SLC9A3: variants seen among roughly 807,000 people sequenced by gnomAD.
SLC9A3 encodes sodium/hydrogen exchanger 3.
SLC9A3 carries 37 observed loss-of-function variants against 86.8 expected under a neutral mutation model. The observed-to-expected ratio is 0.43, with a 90% CI of 0.33 to 0.56. SLC9A3 has a LOEUF of 0.56. Ranked by LOEUF, SLC9A3 falls within the 20% of genes least tolerant of loss-of-function variation. The pLI is 0.06. For synonymous variants in SLC9A3, 581 were observed against 528.3 expected (o/e 1.10, Z -1.37); for missense variants, 1,011 against 1,171.9 (o/e 0.86, Z 2.00).
intron 1 of SLC9A3, among the ~76,000 whole-genome samples, chr5:498,653 C>T (rs1011921960): frequency 2.6e-5 from 4 of 152,158 alleles, no homozygotes; most frequent in Admixed American, 6.5e-5. Context: ...ACGCCCACCT[C>T]GGTCGTCCAC....
intron 1 of SLC9A3, among the ~76,000 whole-genome samples, chr5:503,504 G>A (rs889403590): frequency 4.6e-5 from 7 of 152,218 alleles, no homozygotes; most frequent in African/African-American, 2.4e-5. Context: ...GACAGTGAGC[G>A]AGGCCCCCAT....
intron 1 of SLC9A3, among the ~76,000 whole-genome samples, chr5:514,713 C>G (rs1031972523): frequency 1.3e-5 from 2 of 152,266 alleles, no homozygotes; most frequent in African/African-American, 2.4e-5. Context: ...TGTGTCACCC[C>G]CAAAGCTCTT....
At chr5:501,699 C>G (rs912349462) in intron 1 of SLC9A3, among the ~76,000 whole-genome samples, 18 of 152,256 alleles carry the variant, frequency 1.2e-4, no homozygotes, top group African/African-American at 4.3e-4. Context: ...CCAGCACACT[C>G]TGACCTCAGT....
Position 473,274 on chromosome 5 carries a change from T to C in SLC9A3, c.*105A>G. ...GGCGGGGCTCGGGGCTCGCGGTCGC[T>C]GTAGCCGCGCGGGGATCTGGGGTTT... is the stretch of plus-strand genomic sequence containing the variant. On this transcript the variant is annotated 3_prime_UTR_variant, in exon 17 of 17. Coordinates refer to ENST00000264938, the MANE Select transcript of SLC9A3 (RefSeq NM_004174.4). 3 of 1,210,510 alleles carry C rather than the reference T, an allele frequency of 2.5e-6. No individual in the cohort carries two copies. The highest frequency in any genetic ancestry group is 3.1e-6 in the Non-Finnish European group (3 of 952,470). The allele number at this position is 1,210,510 out of a possible 1,614,324, so 75.0% of individuals were successfully genotyped here.
chr5:504,499 C>T (rs1405601968), intron 1 of SLC9A3, among the ~76,000 whole-genome samples: 2 of 152,164 alleles, frequency 1.3e-5, no homozygotes, highest in Non-Finnish European at 2.9e-5. Flanking sequence ...GTGTGTCCGG[C>T]GGCGGCAGCC....
At chr5:478,343 T>C (rs3734138) in intron 10 of SLC9A3, 94,065 of 151,964 alleles carry the variant, frequency 0.62, 30,048 homozygotes, top group African/African-American at 0.77. Context: ...CGGTGCTAAC[T>C]GCCACTCTGG....
At chr5:487,891 C>A (rs553532900) in intron 3 of SLC9A3, among the ~76,000 whole-genome samples, 129 of 152,316 alleles carry the variant, frequency 8.5e-4, no homozygotes, top group African/African-American at 2.8e-3. Context: ...TGGTCTCGAA[C>A]TGCTGACCTC....
chr5:476,359 C>T lies in SLC9A3; in HGVS notation c.1910G>A (p.Arg637Gln), dbSNP rs577147781. 4 of 1,613,800 alleles carry T rather than the reference C, an allele frequency of 2.5e-6. No individual in the cohort carries two copies. Among genetic ancestry groups the T allele is most frequent in the East Asian group, 2.2e-5 (1 of 44,884 alleles). ...GTCCTCCGTGGGCGTGAGCTCGTGT[C>T]GGCTGTACAGATGCTTGTACTGCGG... ...PRQEYKHLYS[R>Q]HELTPTEDEK... Residue 637 changes from arginine (R) to glutamine (Q), a missense_variant, in exon 13 of 17, where the codon CGA becomes CAA. Around this residue, in one of 3 missense-constraint regions of SLC9A3, gnomAD observed 397 missense variants for 346.3 expected, o/e 1.15. Coordinates refer to ENST00000264938, the MANE Select transcript of SLC9A3 (RefSeq NM_004174.4).
intron 1 of SLC9A3, among the ~76,000 whole-genome samples, chr5:501,385 G>A (rs539687707): frequency 6.6e-6 from 1 of 152,324 alleles, no homozygotes; most frequent in South Asian, 2.1e-4. Context: ...TACTTTAACA[G>A]GAACACGTCC....
At chr5:516,120 C>T (rs1310257175) in intron 1 of SLC9A3, among the ~76,000 whole-genome samples, 1 of 146,784 alleles carries the variant, frequency 6.8e-6, no homozygotes, top group Non-Finnish European at 1.5e-5. Flanking sequence ...TTCGCTCTGG[C>T]TATCCCTTCC....
At position 497,906 on chromosome 5, in the gene SLC9A3, G is replaced by A. The variant is rs914198691; in HGVS notation, c.212-5835C>T. Among the ~76,000 whole-genome samples the A allele has an allele frequency of 3.3e-5, 5 of 150,564 alleles. No homozygotes were observed. The highest frequency in any genetic ancestry group is 9.7e-5 in the African/African-American group (4 of 41,094). Reference sequence around the variant, plus strand: ...GCCCCTGTCCCGGGTGGGGTCGCCCGGCCGCATCCCCAGCCTCTGCCCTCC... The same window carrying A: ...GCCCCTGTCCCGGGTGGGGTCGCCCAGCCGCATCCCCAGCCTCTGCCCTCC... On this transcript the variant is annotated intron_variant, in intron 1 of 16. Coordinates refer to ENST00000264938, the MANE Select transcript of SLC9A3 (RefSeq NM_004174.4). The surrounding 1 kb of genome is among the most constrained non-coding windows in gnomAD (Gnocchi z 5.4).
At position 473,283 on chromosome 5, in the gene SLC9A3, G is replaced by A. The variant is rs564032939; in HGVS notation, c.*96C>T. On this transcript the variant is annotated 3_prime_UTR_variant, in exon 17 of 17. Coordinates refer to ENST00000264938, the MANE Select transcript of SLC9A3 (RefSeq NM_004174.4). ...CGGGGCTCGCGGTCGCTGTAGCCGCGCGGGGATCTGGGGTTTCTCTGGGAC... is the reference window on the plus strand; with the variant it reads ...CGGGGCTCGCGGTCGCTGTAGCCGCACGGGGATCTGGGGTTTCTCTGGGAC... 6 of 1,254,292 alleles carry A rather than the reference G, an allele frequency of 4.8e-6. No homozygotes were observed. Among genetic ancestry groups the A allele is most frequent in the African/African-American group, 4.7e-5 (3 of 63,762 alleles). The allele number at this position is 1,254,292 out of a possible 1,614,324, so 77.7% of individuals were successfully genotyped here. A position where few individuals can be genotyped will look rare whatever the true frequency, so the allele number is the denominator to read the frequency against.
chr5:476,391 G>A lies in SLC9A3; in HGVS notation c.1891-13C>T. 1 of 1,613,244 alleles carries A rather than the reference G, an allele frequency of 6.2e-7. No individual in the cohort carries two copies. Among genetic ancestry groups the A allele is most frequent in the Non-Finnish European group, 8.5e-7 (1 of 1,179,894 alleles). The stretch of plus-strand genomic sequence containing the variant: ...ACAGATGCTTGTACTGCGGGATCAG[G>A]CACGGAGGTCACAGCTGTGCCCACC... On this transcript the variant is annotated splice_polypyrimidine_tract_variant and intron_variant, in intron 12 of 16. Coordinates refer to ENST00000264938, the MANE Select transcript of SLC9A3 (RefSeq NM_004174.4).
chr5:472,957 GGCGGCGTCACA>G lies in SLC9A3; in HGVS notation c.*411_*421del, dbSNP rs1427574275. The G allele has an allele frequency of 9.5e-6, 5 of 526,492 alleles. No individual in the cohort carries two copies. Among genetic ancestry groups the G allele is most frequent in the Admixed American group, 3.9e-5 (1 of 25,682 alleles). The allele number at this position is 526,492 out of a possible 1,614,324, so 32.6% of individuals were successfully genotyped here. On this transcript the variant is annotated 3_prime_UTR_variant, in exon 17 of 17. Coordinates refer to ENST00000264938, the MANE Select transcript of SLC9A3 (RefSeq NM_004174.4). ...CCATGGCGCGCGGACCCTTCCCGCC[GGCGGCGTCACA>G]GCGGCGTCTCCTCCTGCTCCAGCGC...
At chr5:506,860 G>T (rs1331125172) in intron 1 of SLC9A3, among the ~76,000 whole-genome samples, 1 of 150,418 alleles carries the variant, frequency 6.6e-6, no homozygotes, top group Admixed American at 6.7e-5. Flanking sequence ...AAGGTCATGA[G>T]ATCGAGACCA....
At position 484,596 on chromosome 5, in the gene SLC9A3, C is replaced by T. The variant is rs751320231; in HGVS notation, c.856G>A (p.Glu286Lys). ...TRFTKHVRIIEPGFVFIISYL... is the reference protein window; with the variant it reads ...TRFTKHVRIIKPGFVFIISYL... ...GAGATGATGAACACGAAGCCGGGCT[C>T]GATGATACGCACATGCTTGGTGAAG... is the stretch of plus-strand genomic sequence containing the variant. The change falls in exon 5 of 17, where the codon GAG (glutamate) becomes AAG (lysine). Residue 286 changes from glutamate (E) to lysine (K), a missense_variant. Coordinates refer to ENST00000264938, the MANE Select transcript of SLC9A3 (RefSeq NM_004174.4). 3.1e-6 allele frequency: 5 copies of T among 1,613,272 alleles called. No homozygotes were observed. Among genetic ancestry groups the T allele is most frequent in the East Asian group, 2.2e-5 (1 of 44,878 alleles).
chr5:506,464 G>T (rs573795654), intron 1 of SLC9A3, among the ~76,000 whole-genome samples: 1 of 152,188 alleles, frequency 6.6e-6, no homozygotes. Flanking sequence ...CTCCCGAGGG[G>T]CCCCATGCTG....
rs753737264 is a variant in SLC9A3, at chr5:476,215, C to T, written c.2054G>A (p.Arg685His). The change falls in exon 13 of 17, where the codon CGT (arginine) becomes CAT (histidine). Residue 685 changes from arginine to histidine, a missense_variant. By Grantham distance (29) the Arg-to-His change is conservative. Coordinates refer to ENST00000264938, the MANE Select transcript of SLC9A3 (RefSeq NM_004174.4). The part of the protein sequence containing the change: ...KKAAKLYKRE[R>H]AQKRRNSSIP... ...ACCCAGCCTTACCCGCTTCTGGGCA[C>T]GCTCCCGCTTGTACAGCTTGGCCGC... The T allele has an allele frequency of 5.0e-6, 8 of 1,613,754 alleles. No individual in the cohort carries two copies. In the South Asian group the frequency reaches 6.6e-5, roughly 13 times the overall value.
intron 1 of SLC9A3, among the ~76,000 whole-genome samples, chr5:520,521 C>T (rs147920514): frequency 9.2e-5 from 14 of 152,262 alleles, no homozygotes; most frequent in Non-Finnish European, 1.9e-4. Flanking sequence ...CGCCCTGATG[C>T]CCAAGGGAAG....
Sources: allele counts gnomAD v4.1 joint callset (sites outside exome capture counted in the v4.1 genomes callset), GRCh38; gene constraint gnomAD v4.1.1; regional missense constraint gnomAD v4.1.1; non-coding constraint Gnocchi (gnomAD v3.1); transcripts MANE v1.5; gene names NCBI Gene and HGNC (gene_info 2026-07-23, HGNC 2026-07-21).